ANKRD26: variants seen among roughly 807,000 people sequenced by gnomAD.
ANKRD26 encodes the protein ankyrin repeat domain 26.
Under a neutral mutation model 208.7 loss-of-function variants are expected in ANKRD26, and 141 were observed. That is an observed-to-expected ratio of 0.68 (90% confidence interval 0.59 to 0.78). The LOEUF (loss-of-function observed/expected upper bound fraction) is 0.78. ANKRD26 is among the 30% of genes least tolerant of loss of function. The pLI is 0.00. For missense variants in ANKRD26, 1,889 were observed against 1,938.7 expected (o/e 0.97, Z 0.48); for synonymous variants, 636 against 660.4 (o/e 0.96, Z 0.57).
chr10:27,078,897 T>C (rs1283207138), intron 7 of ANKRD26, among the ~76,000 whole-genome samples, 192 bp downstream of exon 7: 1 of 149,158 alleles, frequency 6.7e-6, no homozygotes, highest in Non-Finnish European at 1.5e-5. Flanking sequence ...CAATCCTTTG[T>C]TATTTACCAA....
intron 29 of ANKRD26, 40 bp downstream of exon 29, chr10:27,022,518 T>C (rs770877325): frequency 1.4e-6 from 2 of 1,427,704 alleles, no homozygotes; most frequent in African/African-American, 2.8e-5. Context: ...TTTCCCAAAA[T>C]TAAGTGACTT....
chr10:26,959,874 G>C, the ANKRD26 span, among the ~76,000 whole-genome samples: 1 of 152,102 alleles, frequency 6.6e-6, no homozygotes, highest in African/African-American at 2.4e-5. Context: ...TTATAACTTA[G>C]TAAAGACTTA....
intron 5 of ANKRD26, among the ~76,000 whole-genome samples, chr10:27,086,127 A>C (rs1396531148): frequency 1.3e-5 from 2 of 152,132 alleles, no homozygotes; most frequent in African/African-American, 4.8e-5. Flanking sequence ...TGCTCAAGGG[A>C]CAACTGTAAT....
In ANKRD26 at chr10:27,040,099, T is replaced by G. The variant is rs2054180932; in HGVS notation, c.2241A>C (p.Glu747Asp). The G allele has an allele frequency of 2.5e-6, 4 of 1,612,758 alleles. No homozygotes were observed. The highest frequency in any genetic ancestry group is 3.4e-6 in the Non-Finnish European group (4 of 1,179,232). The change falls in exon 21 of 34, where the codon GAA (glutamate) becomes GAC (aspartate). Residue 747 changes from glutamate (E) to aspartate (D), a missense_variant. By Grantham distance (45) the Glu-to-Asp change is conservative. Coordinates refer to ENST00000376087, the MANE Select transcript of ANKRD26 (RefSeq NM_014915.3). ...RLLELKKNHC[E>D]LLTVKIKKME... ...TTTTTTTAATTTTTACTGTAAGTAGTTCACAGTGATTTTTTTTAAGTTCTA... is the reference window on the plus strand; with the variant it reads ...TTTTTTTAATTTTTACTGTAAGTAGGTCACAGTGATTTTTTTTAAGTTCTA...
intron 27 of ANKRD26, among the ~76,000 whole-genome samples, chr10:27,027,666 G>A (rs1014388545): frequency 5.9e-5 from 9 of 152,118 alleles, no homozygotes; most frequent in Admixed American, 5.9e-4. Context: ...ACTACTAGTA[G>A]CAAGTAGTAT....
intron 18 of ANKRD26, among the ~76,000 whole-genome samples, chr10:27,045,754 TTAGA>T (rs1033781970): frequency 6.6e-5 from 10 of 152,188 alleles, no homozygotes; most frequent in East Asian, 3.8e-4. Flanking sequence ...ATGTTTATTA[TTAGA>T]TAATTTTTTA....
Position 27,092,517 on chromosome 10 carries a change from A to G in ANKRD26, c.532-5T>C. 1 of 1,603,536 alleles carries G rather than the reference A, an allele frequency of 6.2e-7. No individual in the cohort carries two copies. Reference sequence around the variant, plus strand: ...TAAAAGTGGTGTGAGGTCATCCTGTAAGACAGCAAAAACAAGTTAAAATGC... The same window carrying G: ...TAAAAGTGGTGTGAGGTCATCCTGTGAGACAGCAAAAACAAGTTAAAATGC... On this transcript the variant is annotated splice_region_variant and splice_polypyrimidine_tract_variant and intron_variant, in intron 3 of 33. Transcript: ENST00000376087.
intron 12 of ANKRD26, 123 bp downstream of exon 12, chr10:27,063,865 T>A: frequency 1.2e-6 from 1 of 805,588 alleles, no homozygotes; most frequent in Non-Finnish European, 2.0e-6. Context: ...CAATTTTACC[T>A]CTCTTTATTC....
At chr10:27,002,697 A>G (rs1486004356), downstream of ANKRD26, among the ~76,000 whole-genome samples, 1 of 152,236 alleles carries the variant, frequency 6.6e-6, no homozygotes, top group Non-Finnish European at 1.5e-5. Context: ...CATAACACAA[A>G]TGCTGTGGTA....
chr10:27,066,578 T>G (rs771282187), intron 10 of ANKRD26, 30 bp from the exon 11 acceptor site: 1 of 1,457,570 alleles, frequency 6.9e-7, no homozygotes, highest in East Asian at 2.3e-5. Context: ...GATATATTCA[T>G]GAGAACATTT....
intron 1 of ANKRD26, among the ~76,000 whole-genome samples, chr10:27,098,907 T>C (rs573616269): frequency 6.6e-6 from 1 of 152,324 alleles, no homozygotes. Context: ...TCTGTATGTA[T>C]AATCAAACTT....
downstream of ANKRD26, among the ~76,000 whole-genome samples, chr10:26,987,993 T>C (rs542771430): frequency 2.6e-5 from 4 of 152,170 alleles, no homozygotes; most frequent in South Asian, 2.1e-4. Context: ...TCTCCACTTT[T>C]GTGTATGAAT....
At chr10:27,091,069 C>T (rs1425302284) in intron 4 of ANKRD26, among the ~76,000 whole-genome samples, 1 of 146,966 alleles carries the variant, frequency 6.8e-6, no homozygotes, top group Non-Finnish European at 1.5e-5. Context: ...GCACTCCAGC[C>T]CGTGACAGAG....
intron 23 of ANKRD26, among the ~76,000 whole-genome samples, chr10:27,036,931 T>C (rs1395859852): frequency 2.0e-5 from 3 of 152,140 alleles, no homozygotes; most frequent in Non-Finnish European, 4.4e-5. Context: ...TTACGGAAGA[T>C]ATTATTAAAA....
chr10:27,063,839 G>C, intron 12 of ANKRD26, 149 bp downstream of exon 12: 1 of 689,592 alleles, frequency 1.5e-6, no homozygotes, highest in Non-Finnish European at 2.5e-6. Context: ...TGACACCTAA[G>C]ATATACAACT....
At chr10:27,026,283 C>A (rs1333930033) in intron 27 of ANKRD26, among the ~76,000 whole-genome samples, 2 of 152,122 alleles carry the variant, frequency 1.3e-5, no homozygotes, top group Non-Finnish European at 2.9e-5. Context: ...TACAGAAAAT[C>A]CCCCATTATT....
chr10:27,022,262 TA>T (rs1443168467), intron 29 of ANKRD26, among the ~76,000 whole-genome samples: 4 of 152,170 alleles, frequency 2.6e-5, no homozygotes, highest in African/African-American at 9.6e-5. Flanking sequence ...TGGGGCCTCC[TA>T]GAGGATGGAG....
intron 4 of ANKRD26, among the ~76,000 whole-genome samples, chr10:26,998,281 T>C (rs2052640589): frequency 6.6e-6 from 1 of 152,198 alleles, no homozygotes; most frequent in African/African-American, 2.4e-5. Context: ...CTAATCTGAT[T>C]CTTTTGGGTT....
At chr10:27,032,074 T>C (rs908621899) in intron 25 of ANKRD26, among the ~76,000 whole-genome samples, 6 of 152,204 alleles carry the variant, frequency 3.9e-5, no homozygotes, top group African/African-American at 1.4e-4. Context: ...AAAATCACTA[T>C]AAAATACTGT....
Sources: allele counts gnomAD v4.1 joint callset (sites outside exome capture counted in the v4.1 genomes callset), GRCh38; gene constraint gnomAD v4.1.1; transcripts MANE v1.5; gene names NCBI Gene and HGNC (gene_info 2026-07-23, HGNC 2026-07-21).